Variants in FNBP1 observed in about 807,000 individuals in gnomAD.
The protein encoded by FNBP1 is formin binding protein 1.
In FNBP1, 26 loss-of-function variants were observed where a neutral mutation model predicts 90.6. The ratio of observed to expected loss-of-function variants is 0.29; its 90% confidence interval spans 0.21 to 0.40. The LOEUF is 0.40. Ranked by LOEUF, FNBP1 falls within the 10% of genes least tolerant of loss-of-function variation. The pLI, the probability that FNBP1 is intolerant of heterozygous loss-of-function variation, is 1.00. For missense variants in FNBP1, 635 were observed against 768.0 expected (o/e 0.83, Z 2.05); for synonymous variants, 260 against 265.2 (o/e 0.98, Z 0.19).
chr9:129,999,361 C>T (rs753703978), intron 1 of FNBP1, among the ~76,000 whole-genome samples: 2 of 151,862 alleles, frequency 1.3e-5, no homozygotes, highest in African/African-American at 2.4e-5. Context: ...TTTGCGAGGC[C>T]GAGGTAGGTG....
chr9:130,021,229 C>T lies in FNBP1; in HGVS notation c.24+21723G>A, dbSNP rs572789574. ...GCCATTTCTTATCTATTTTTTGTGG[C>T]ACCTAAATCAGTGCCTGGCACAATA... is the stretch of plus-strand genomic sequence containing the variant. On this transcript the variant is annotated intron_variant, in intron 1 of 16. Coordinates refer to ENST00000446176, the MANE Select transcript of FNBP1 (RefSeq NM_015033.3). 3.5e-4 allele frequency among the ~76,000 whole-genome samples: 53 copies of T among 152,202 alleles called. 1 individual carries two copies. The South Asian group carries it at 0.011, about 31-fold the overall frequency.
chr9:129,946,058 A>T (rs1223510328), intron 6 of FNBP1, among the ~76,000 whole-genome samples: 1 of 152,050 alleles, frequency 6.6e-6, no homozygotes, highest in Non-Finnish European at 1.5e-5. Flanking sequence ...AGTCCCAGCT[A>T]CTCAGGAGGC....
At chr9:130,007,263 A>G (rs1027131098) in intron 1 of FNBP1, among the ~76,000 whole-genome samples, 4 of 151,326 alleles carry the variant, frequency 2.6e-5, no homozygotes, top group South Asian at 4.1e-4. Context: ...AAAAAGAAAA[A>G]AAAAAAGAAT....
At chr9:129,979,406 T>C (rs1037538775) in intron 2 of FNBP1, 32 bp from the exon 3 acceptor site, 2 of 1,467,412 alleles carry the variant, frequency 1.4e-6, no homozygotes, top group African/African-American at 2.8e-5. Flanking sequence ...GTCAGCTTTA[T>C]ATAGAAAGAG....
chr9:129,955,112 G>GT (rs2046727003), intron 6 of FNBP1, among the ~76,000 whole-genome samples: 1 of 152,112 alleles, frequency 6.6e-6, no homozygotes. Flanking sequence ...AACCAGCAGA[G>GT]TTAAGATAAG....
intron 12 of FNBP1, among the ~76,000 whole-genome samples, chr9:129,905,954 G>A (rs530050339): frequency 8.9e-4 from 134 of 150,972 alleles, no homozygotes; most frequent in African/African-American, 2.9e-3. Flanking sequence ...CGCGATCTCA[G>A]CTCACTGCAA....
At chr9:129,967,501 G>A (rs1291475787) in intron 4 of FNBP1, among the ~76,000 whole-genome samples, 3 of 152,122 alleles carry the variant, frequency 2.0e-5, no homozygotes, top group East Asian at 3.9e-4. Context: ...GTGACAGAGT[G>A]AGACTCCGTC....
chr9:130,029,085 G>A (rs549928765), intron 1 of FNBP1, among the ~76,000 whole-genome samples: 3 of 152,064 alleles, frequency 2.0e-5, no homozygotes, highest in African/African-American at 7.2e-5. Flanking sequence ...TTTACTATTT[G>A]GTTAACTGCC....
At position 129,900,455 on chromosome 9, in the gene FNBP1, TGTGGGTGG is replaced by T; in HGVS notation, c.1513_1520del (p.Pro505SerfsTer9). On this transcript the variant is annotated frameshift_variant, in exon 14 of 17. Transcript: ENST00000446176. LOFTEE classifies it high-confidence loss of function. This position sits in a 1 kb window ranked among gnomAD's most constrained non-coding sequence, Gnocchi z 4.1. Reference sequence around the variant, plus strand: ...CACGGTCCTGGGCGCAGTTGTTGACTGTGGGTGGGTTCTGGCTGTCGTACAGTCCGCTC... The same window carrying T: ...CACGGTCCTGGGCGCAGTTGTTGACTGTTCTGGCTGTCGTACAGTCCGCTC... 1 of 1,604,046 alleles carries T rather than the reference TGTGGGTGG, an allele frequency of 6.2e-7. No individual in the cohort carries two copies. The highest frequency in any genetic ancestry group is 8.5e-7 in the Non-Finnish European group (1 of 1,175,742).
At chr9:129,930,959 ATTTG>A (rs567428152) in intron 6 of FNBP1, among the ~76,000 whole-genome samples, 1 of 152,180 alleles carries the variant, frequency 6.6e-6, no homozygotes, top group Non-Finnish European at 1.5e-5. Context: ...CAGGGCAACT[ATTTG>A]TTTGTTTGCT....
intron 2 of FNBP1, among the ~76,000 whole-genome samples, chr9:129,985,554 G>A (rs2052034434): frequency 6.6e-6 from 1 of 152,184 alleles, no homozygotes; most frequent in African/African-American, 2.4e-5. Context: ...AGGGGTGGTG[G>A]CCTGTAATCT....
rs548501424 is a variant in FNBP1 at position 129,920,792 on chromosome 9, G to C, written c.1170+3052C>G. Among the ~76,000 whole-genome samples, 3 of 152,206 alleles carry C rather than the reference G, an allele frequency of 2.0e-5. No homozygotes were observed. The East Asian group carries it at 5.8e-4, about 29-fold the overall frequency. ...ACAATCATGAATATTCATCATGAGA[G>C]TCCAAAAAAATACAGAGATAATATA... On this transcript the variant is annotated intron_variant, in intron 10 of 16. Transcript: ENST00000446176.
At chr9:129,908,015 C>T (rs1418655132) in intron 12 of FNBP1, among the ~76,000 whole-genome samples, 1 of 152,058 alleles carries the variant, frequency 6.6e-6, no homozygotes, top group Non-Finnish European at 1.5e-5. Flanking sequence ...GTGTGAGCCA[C>T]TGTGCCCAGC....
intron 12 of FNBP1, among the ~76,000 whole-genome samples, chr9:129,907,315 G>A (rs1208830583): frequency 6.6e-6 from 1 of 152,090 alleles, no homozygotes; most frequent in Admixed American, 6.6e-5. Context: ...CACGTAGTTT[G>A]TTTACCTTTA....
At chr9:129,903,305 G>C (rs917132491) in intron 12 of FNBP1, among the ~76,000 whole-genome samples, 8 of 152,112 alleles carry the variant, frequency 5.3e-5, no homozygotes, top group Non-Finnish European at 7.4e-5. Flanking sequence ...GCCTGCCTCA[G>C]CCTCCTAAAG....
chr9:129,915,509 G>A (rs1282070255), intron 11 of FNBP1, among the ~76,000 whole-genome samples: 2 of 151,996 alleles, frequency 1.3e-5, no homozygotes, highest in Non-Finnish European at 2.9e-5. Flanking sequence ...GACTACAGGC[G>A]CACGCTGCCA....
chr9:129,962,703 G>C (rs1401275222), intron 4 of FNBP1, among the ~76,000 whole-genome samples: 2 of 152,194 alleles, frequency 1.3e-5, no homozygotes, highest in Non-Finnish European at 2.9e-5. Context: ...TGCAAACCCA[G>C]GGGGAGCCCC....
chr9:129,907,382 T>C (rs1426437989), intron 12 of FNBP1, among the ~76,000 whole-genome samples: 3 of 152,194 alleles, frequency 2.0e-5, no homozygotes, highest in African/African-American at 4.8e-5. Context: ...GTTCCAAGCA[T>C]GTTATGCACA....
chr9:129,959,039 C>T (rs756940823), intron 4 of FNBP1, among the ~76,000 whole-genome samples: 3 of 64,276 alleles, frequency 4.7e-5, no homozygotes, highest in South Asian at 5.5e-4. Context: ...AATGTGGAAA[C>T]GAAAACAAGA....
Sources: allele counts gnomAD v4.1 joint callset (sites outside exome capture counted in the v4.1 genomes callset), GRCh38; gene constraint gnomAD v4.1.1; non-coding constraint Gnocchi (gnomAD v3.1); transcripts MANE v1.5; gene names NCBI Gene and HGNC (gene_info 2026-07-23, HGNC 2026-07-21).